Variants in FNDC1 observed in about 807,000 individuals in gnomAD.
FNDC1 encodes fibronectin type III domain-containing protein 1.
Under a neutral mutation model 168.0 loss-of-function variants are expected in FNDC1, and 96 were observed. The observed-to-expected ratio is 0.57, with a 90% CI of 0.48 to 0.68. The LOEUF (loss-of-function observed/expected upper bound fraction) is 0.68. FNDC1 is among the 30% of genes least tolerant of loss of function. The pLI is 0.00. For missense variants in FNDC1, 2,587 were observed against 2,482.1 expected (o/e 1.04, Z -0.90); for synonymous variants, 1,099 against 1,025.9 (o/e 1.07, Z -1.36).
chr6:159,227,432 G>C (rs1274892508), intron 9 of FNDC1, among the ~76,000 whole-genome samples: 1 of 152,150 alleles, frequency 6.6e-6, no homozygotes, highest in Non-Finnish European at 1.5e-5. Context: ...AAGAAATCCA[G>C]AAAATTACTA....
At position 159,226,578 on chromosome 6, in the gene FNDC1, A is replaced by T. The variant is rs1012901643; in HGVS notation, c.1178A>T (p.Lys393Ile). The stretch of plus-strand genomic sequence containing the variant: ...CTACCAGAGACTGAGGGGAAAGTGA[A>T]AGGTAGGAATCTCACTCCCTAAACT... Reference protein sequence around the residue: ...DALPETEGKVKEYILSYAPAL... With the variant: ...DALPETEGKVIEYILSYAPAL... The change falls in exon 9 of 23, where the codon AAA (lysine) becomes ATA (isoleucine). Residue 393 changes from lysine to isoleucine, a missense_variant and splice_region_variant. Physicochemically the swap from Lys to Ile is moderately radical, Grantham distance 102 (BLOSUM62 -3). Coordinates refer to ENST00000297267, the MANE Select transcript of FNDC1 (RefSeq NM_032532.3). 2 of 1,599,518 alleles carry T rather than the reference A, an allele frequency of 1.3e-6. No individual in the cohort carries two copies. The highest frequency in any genetic ancestry group is 1.3e-5 in the African/African-American group (1 of 74,612).
chr6:159,234,081 G>A lies in FNDC1; in HGVS notation c.3569G>A (p.Gly1190Asp). Reference protein sequence around the residue: ...DEEEDAGFFKGGKEDLLSSSV... With the variant: ...DEEEDAGFFKDGKEDLLSSSV... ...GAGGAGGACGCGGGATTTTTTAAAG[G>A]CGGGAAAGAAGACCTTCTGTCTTCC... Residue 1190 changes from glycine to aspartate, a missense_variant, in exon 11 of 23, where the codon GGC becomes GAC. By Grantham distance (94) the Gly-to-Asp change is moderately conservative. Transcript: ENST00000297267. 6.2e-7 allele frequency: 1 copy of A among 1,612,108 alleles called. No individual in the cohort carries two copies. Among genetic ancestry groups the A allele is most frequent in the Non-Finnish European group, 8.5e-7 (1 of 1,179,238 alleles).
chr6:159,228,260 C>A (rs932772826), intron 9 of FNDC1, among the ~76,000 whole-genome samples: 2 of 152,082 alleles, frequency 1.3e-5, no homozygotes, highest in Admixed American at 6.6e-5. Context: ...GTATCTTAAG[C>A]CTGCTTAGGT....
rs765919024 is a variant in FNDC1, at chr6:159,232,159, G to A, written c.1647G>A (p.Arg549=). ...CTGGGGAGGAGGAGCTGGGTTCCCG[G>A]GAGGACTCGCCCATGTCACCCTCAG... ...EITGEEELGS[R]EDSPMSPSDT... The change falls in exon 11 of 23, where the codon CGG becomes CGA. Residue 549 remains arginine, a synonymous_variant. Coordinates refer to ENST00000297267, the MANE Select transcript of FNDC1 (RefSeq NM_032532.3). This position sits in a 1 kb window ranked among gnomAD's most constrained non-coding sequence, Gnocchi z 4.9. The A allele has an allele frequency of 7.4e-6, 12 of 1,613,782 alleles. No homozygotes were observed. In the African/African-American group the frequency reaches 9.3e-5, roughly 13 times the overall value.
intron 14 of FNDC1, among the ~76,000 whole-genome samples, chr6:159,244,046 AC>A (rs1238534795): frequency 6.6e-6 from 1 of 152,222 alleles, no homozygotes; most frequent in African/African-American, 2.4e-5. Flanking sequence ...TTTCTTGTTC[AC>A]CCTGTGATGC....
intron 14 of FNDC1, 131 bp downstream of exon 14, chr6:159,240,088 TG>T: frequency 1.2e-6 from 1 of 817,116 alleles, no homozygotes; most frequent in Non-Finnish European, 1.7e-6. Context: ...GATGCATTTT[TG>T]GTCCCAGCAG....
intron 1 of FNDC1, among the ~76,000 whole-genome samples, chr6:159,179,527 T>C (rs1031428265): frequency 6.6e-6 from 1 of 152,186 alleles, no homozygotes; most frequent in African/African-American, 2.4e-5. Context: ...TTGTGCAACA[T>C]CTTCTCAAGA....
intron 19 of FNDC1, among the ~76,000 whole-genome samples, chr6:159,262,484 A>G (rs1477792959): frequency 6.6e-6 from 1 of 152,228 alleles, no homozygotes; most frequent in African/African-American, 2.4e-5. Flanking sequence ...AGCAAGAGAA[A>G]ACTATTATCT....
chr6:159,236,406 C>A (rs1783261467), intron 12 of FNDC1, 91 bp downstream of exon 12: 2 of 834,118 alleles, frequency 2.4e-6, no homozygotes, highest in Non-Finnish European at 3.9e-6. Flanking sequence ...ATGAAGTGGT[C>A]TTTGTTTGTT....
chr6:159,197,457 G>A lies in FNDC1; in HGVS notation c.136G>A (p.Val46Met), dbSNP rs570122057. 7 of 1,613,576 alleles carry A rather than the reference G, an allele frequency of 4.3e-6. No individual in the cohort carries two copies. The African/African-American group carries it at 9.3e-5, about 22-fold the overall frequency. The change falls in exon 2 of 23, where the codon GTG becomes ATG. Residue 46 changes from valine (V) to methionine (M), a missense_variant. Transcript: ENST00000297267. ...TGACCACCCACTGAAGCCAAGGCAT[G>A]TGAAACTGCTGTCCACTAAAATGGG... is the stretch of plus-strand genomic sequence containing the variant. ...SVDHPLKPRHVKLLSTKMGLK... is the reference protein window; with the variant it reads ...SVDHPLKPRHMKLLSTKMGLK...
chr6:159,210,645 C>T (rs919894797), intron 4 of FNDC1, among the ~76,000 whole-genome samples: 3 of 152,182 alleles, frequency 2.0e-5, no homozygotes, highest in Non-Finnish European at 4.4e-5. Flanking sequence ...TGTGTCAGAA[C>T]TTGCACAGGA....
At position 159,239,810 on chromosome 6, in the gene FNDC1, C is replaced by A; in HGVS notation, c.4474C>A (p.Arg1492=). The A allele has an allele frequency of 1.3e-6, 2 of 1,546,330 alleles. No individual in the cohort carries two copies. The highest frequency in any genetic ancestry group is 1.7e-6 in the Non-Finnish European group (2 of 1,143,080). ...CACCAGGCGTCCAACAACCACAGTC[C>A]GAACCACTACGCGGACAACCACCAC... is the stretch of plus-strand genomic sequence containing the variant. The part of the protein sequence containing the change: ...TTTRRPTTTV[R]TTTRTTTTTT... The change falls in exon 14 of 23, where the codon CGA becomes AGA. Residue 1492 remains arginine (R), a synonymous_variant. Coordinates refer to ENST00000297267, the MANE Select transcript of FNDC1 (RefSeq NM_032532.3).
At chr6:159,256,473 G>A in intron 17 of FNDC1, 50 bp from the exon 18 acceptor site, 1 of 1,359,932 alleles carries the variant, frequency 7.4e-7, no homozygotes, top group Admixed American at 1.7e-5. Flanking sequence ...CATCTTGTGT[G>A]TGACTTGGTT....
In FNDC1 at chr6:159,233,160, A is replaced by C; in HGVS notation, c.2648A>C (p.Lys883Thr). Residue 883 changes from lysine (K) to threonine (T), a missense_variant, in exon 11 of 23, where the codon AAG becomes ACG. Physicochemically the swap from Lys to Thr is moderately conservative, Grantham distance 78. Transcript: ENST00000297267. The surrounding 1 kb of genome is among the most constrained non-coding windows in gnomAD (Gnocchi z 4.6). ...ATCCATGGAGACGAGGAGGATGAGA[A>C]GCCGCTTCCTGCCACCGTTGTCAAT... ...SGIHGDEEDE[K>T]PLPATVVNDH... 1 of 1,607,828 alleles carries C rather than the reference A, an allele frequency of 6.2e-7. No individual in the cohort carries two copies. The highest frequency in any genetic ancestry group is 8.5e-7 in the Non-Finnish European group (1 of 1,177,328).
At chr6:159,267,964 G>A in intron 22 of FNDC1, 38 bp downstream of exon 22, 2 of 1,587,238 alleles carry the variant, frequency 1.3e-6, no homozygotes, top group Non-Finnish European at 1.7e-6. Context: ...ATCCTAGGAG[G>A]TGGGAGACAA....
chr6:159,242,762 G>A (rs764715561), intron 14 of FNDC1, among the ~76,000 whole-genome samples: 1 of 152,104 alleles, frequency 6.6e-6, no homozygotes, highest in African/African-American at 2.4e-5. Flanking sequence ...TTACCTATTT[G>A]GGACATTTTG....
chr6:159,201,756 A>G (rs1351929530), intron 4 of FNDC1, among the ~76,000 whole-genome samples: 1 of 152,244 alleles, frequency 6.6e-6, no homozygotes, highest in Non-Finnish European at 1.5e-5. Context: ...GAACACACAC[A>G]TGTAAACAGA....
At position 159,249,199 on chromosome 6, in the gene FNDC1, T is replaced by C; in HGVS notation, c.4834+17T>C. The C allele has an allele frequency of 1.9e-6, 3 of 1,597,282 alleles. No individual in the cohort carries two copies. The highest frequency in any genetic ancestry group is 2.6e-6 in the Non-Finnish European group (3 of 1,172,522). ...GATTTGTTGGTAAATATAATGTCCT[T>C]AATCAGAGAAACATGGGTTTTTAAC... On this transcript the variant is annotated intron_variant, in intron 16 of 22. Transcript: ENST00000297267.
chr6:159,222,276 A>G (rs1202890649), intron 6 of FNDC1, among the ~76,000 whole-genome samples: 1 of 152,226 alleles, frequency 6.6e-6, no homozygotes, highest in African/African-American at 2.4e-5. Context: ...TAAAGAGGCA[A>G]TCTACAACAT....
Sources: gnomAD v4.1 joint callset for allele counts (sites outside exome capture counted in the v4.1 genomes callset) on GRCh38, gnomAD v4.1.1 for gene constraint, Gnocchi (gnomAD v3.1) non-coding constraint, MANE v1.5 for transcripts, NCBI Gene and HGNC (gene_info 2026-07-23, HGNC 2026-07-21) for gene names.